RNASE13: variants seen among roughly 807,000 people sequenced by gnomAD.
The protein encoded by RNASE13 is ribonuclease A family member 13 (inactive), also known as probable inactive ribonuclease-like protein 13.
For synonymous variants in RNASE13, 67 were observed against 71.6 expected, an observed-to-expected ratio of 0.94 and a Z score of 0.32; for missense variants, 188 against 192.8, an observed-to-expected ratio of 0.98 and a Z score of 0.15.
chr14:21,033,823 T>TTCC lies in RNASE13; in HGVS notation c.463_465dup (p.Gly155dup). Reference sequence around the variant, plus strand: ...GTTGGGGAGTGGCTCAGGAATTAAATTCCCGAATAGAGACCAGCGATACCT... The same window carrying TTCC: ...GTTGGGGAGTGGCTCAGGAATTAAATTCCTCCCGAATAGAGACCAGCGATACCT... On this transcript the variant is annotated inframe_insertion, in exon 2 of 2. Coordinates refer to ENST00000382951, the MANE Select transcript of RNASE13 (RefSeq NM_001012264.4). 1 of 1,605,100 alleles carries TTCC rather than the reference T, an allele frequency of 6.2e-7. No homozygotes were observed. The highest frequency in any genetic ancestry group is 8.5e-7 in the Non-Finnish European group (1 of 1,171,864).
Position 21,033,645 on chromosome 14 carries a change from G to T in RNASE13, c.*173C>A. 1.6e-6 allele frequency: 1 copy of T among 620,228 alleles called. No homozygotes were observed. Among genetic ancestry groups the T allele is most frequent in the South Asian group, 1.9e-5 (1 of 52,936 alleles). 38.4% of individuals were successfully genotyped at this position (620,228 alleles called of 1,614,324 possible). On this transcript the variant is annotated 3_prime_UTR_variant, in exon 2 of 2. Coordinates refer to ENST00000382951, the MANE Select transcript of RNASE13 (RefSeq NM_001012264.4). The stretch of plus-strand genomic sequence containing the variant: ...CAAGCTGGAAAGAACCTAGAAGATA[G>T]CACCACTTTGCATGGTGATCAAAGC...
Position 21,034,205 on chromosome 14 carries a change from G to A in RNASE13, c.84C>T (p.Gly28=). Residue 28 remains glycine (G), a synonymous_variant, in exon 2 of 2, where the codon GGC becomes GGT. Coordinates refer to ENST00000382951, the MANE Select transcript of RNASE13 (RefSeq NM_001012264.4). The stretch of plus-strand genomic sequence containing the variant: ...TGCTTAAGGTATAGAAGTTCCTGCT[G>A]CCAATCTGCATCTTGATGTCCATGA... ...TLVMDIKMQI[G]SRNFYTLSID... The A allele has an allele frequency of 6.2e-7, 1 of 1,614,068 alleles. No individual in the cohort carries two copies.
In RNASE13 at chr14:21,034,146, A is replaced by G. The variant is rs763858233; in HGVS notation, c.143T>C (p.Phe48Ser). 10 of 1,614,096 alleles carry G rather than the reference A, an allele frequency of 6.2e-6. No homozygotes were observed. Among genetic ancestry groups the G allele is most frequent in the Middle Eastern group, 1.6e-4 (1 of 6,084 alleles). Residue 48 changes from phenylalanine (F) to serine (S), a missense_variant, in exon 2 of 2, where the codon TTC becomes TCC. By Grantham distance (155) the Phe-to-Ser change is radical (BLOSUM62 -2). Coordinates refer to ENST00000382951, the MANE Select transcript of RNASE13 (RefSeq NM_001012264.4). ...CATCAGACCATTACAATAGCCCCGG[A>G]AACCCTTTGGGTAGTTAACCCTGGG... Reference protein sequence around the residue: ...DYPRVNYPKGFRGYCNGLMSY... With the variant: ...DYPRVNYPKGSRGYCNGLMSY...
intron 1 of RNASE13, 126 bp from the exon 2 acceptor site, chr14:21,034,422 A>G (rs949925862): frequency 1.2e-5 from 8 of 680,966 alleles, no homozygotes; most frequent in Non-Finnish European, 1.7e-5. Context: ...CCAAGTTCTC[A>G]TGACCCAGAA....
At position 21,033,919 on chromosome 14, in the gene RNASE13, AGCAGCTAGTGGGTG is replaced by A. The variant is rs1175268651; in HGVS notation, c.356_369del (p.Pro119LeufsTer4). ...TGGTTGGTTAGGGTGCTATTGTAGT[AGCAGCTAGTGGGTG>A]GCTGTTGGTGGCTCAGGGAGCAGAC... is the stretch of plus-strand genomic sequence containing the variant. On this transcript the variant is annotated frameshift_variant, in exon 2 of 2. Transcript: ENST00000382951. LOFTEE classifies it low-confidence loss of function (END_TRUNC). 12 of 1,614,094 alleles carry A rather than the reference AGCAGCTAGTGGGTG, an allele frequency of 7.4e-6. No individual in the cohort carries two copies. In the Admixed American group the frequency reaches 1.2e-4, roughly 16 times the overall value.
In RNASE13 at chr14:21,033,040, C is replaced by G. The variant is rs190261954; in HGVS notation, c.*778G>C. On this transcript the variant is annotated 3_prime_UTR_variant, in exon 2 of 2. Transcript: ENST00000382951. ...TGGAGTCTGGGGGATTTGGGAGGAG[C>G]TTCTGGAAGAGAAGGGAAGCAGGAA... 2.2e-6 allele frequency: 1 copy of G among 451,134 alleles called. No individual in the cohort carries two copies. Among genetic ancestry groups the G allele is most frequent in the Admixed American group, 2.4e-5 (1 of 41,464 alleles). 27.9% of individuals were successfully genotyped at this position (451,134 alleles called of 1,614,324 possible).
In RNASE13 at chr14:21,033,616, T is replaced by G; in HGVS notation, c.*202A>C. The G allele has an allele frequency of 3.4e-6, 2 of 594,340 alleles. No homozygotes were observed. Among genetic ancestry groups the G allele is most frequent in the Non-Finnish European group, 3.0e-6 (1 of 332,168 alleles). The allele number at this position is 594,340 out of a possible 1,614,324, so 36.8% of individuals were successfully genotyped here. A position where few individuals can be genotyped will look rare whatever the true frequency, so the allele number is the denominator to read the frequency against. On this transcript the variant is annotated 3_prime_UTR_variant, in exon 2 of 2. Coordinates refer to ENST00000382951, the MANE Select transcript of RNASE13 (RefSeq NM_001012264.4). The stretch of plus-strand genomic sequence containing the variant: ...TGAGGAGGTGGGGGCGAAGAGGGGG[T>G]AAACAAGCTGGAAAGAACCTAGAAG...
In RNASE13 at chr14:21,034,612, C is replaced by G. The variant is rs190885389; in HGVS notation, c.-9+44G>C. On this transcript the variant is annotated intron_variant, in intron 1 of 1. Coordinates refer to ENST00000382951, the MANE Select transcript of RNASE13 (RefSeq NM_001012264.4). ...CAAGAGTCCTTGGGCCCCTGGCACT[C>G]CTGCTAGTAAAAAATGCAGAGAAGA... 1.7e-4 allele frequency: 49 copies of G among 281,756 alleles called. No homozygotes were observed. The East Asian group carries it at 1.8e-3, about 10-fold the overall frequency. 17.5% of individuals were successfully genotyped at this position (281,756 alleles called of 1,614,324 possible).
rs762579702 is a variant in RNASE13, at chr14:21,034,126, G to T, written c.163C>A (p.Leu55Met). ...ATCTTGCCTCGCATATAGGACATCA[G>T]ACCATTACAATAGCCCCGGAAACCC... is the stretch of plus-strand genomic sequence containing the variant. ...PKGFRGYCNG[L>M]MSYMRGKMQN... Residue 55 changes from leucine (L) to methionine (M), a missense_variant, in exon 2 of 2, where the codon CTG becomes ATG. Physicochemically the swap from Leu to Met is conservative, Grantham distance 15. Coordinates refer to ENST00000382951, the MANE Select transcript of RNASE13 (RefSeq NM_001012264.4). 1 of 1,614,232 alleles carries T rather than the reference G, an allele frequency of 6.2e-7. No homozygotes were observed. Among genetic ancestry groups the T allele is most frequent in the East Asian group, 2.2e-5 (1 of 44,896 alleles).
Position 21,032,846 on chromosome 14 carries a change from T to C in RNASE13, c.*972A>G, listed in dbSNP as rs1019424735. On this transcript the variant is annotated 3_prime_UTR_variant, in exon 2 of 2. Transcript: ENST00000382951. ...GTGTTATTAACTTTTTATTTTGAAT[T>C]GATTATGGGTTGACAGGAAGTTACA... 2 of 423,036 alleles carry C rather than the reference T, an allele frequency of 4.7e-6. No individual in the cohort carries two copies. Among genetic ancestry groups the C allele is most frequent in the African/African-American group, 2.1e-5 (1 of 47,978 alleles). 26.2% of individuals were successfully genotyped at this position (423,036 alleles called of 1,614,324 possible).
In RNASE13 at chr14:21,034,714, C is replaced by T. The variant is rs376499103; in HGVS notation, c.-67G>A. ...GGAGCTGAAGATAGCTGGGTAGGGA[C>T]GTGTATTCTTCTTGCCAAGGCCAAG... On this transcript the variant is annotated 5_prime_UTR_variant, in exon 1 of 2. Coordinates refer to ENST00000382951, the MANE Select transcript of RNASE13 (RefSeq NM_001012264.4). 3 of 171,848 alleles carry T rather than the reference C, an allele frequency of 1.7e-5. No individual in the cohort carries two copies. Among genetic ancestry groups the T allele is most frequent in the East Asian group, 1.6e-4 (1 of 6,224 alleles). The allele number at this position is 171,848 out of a possible 1,614,324, so 10.6% of individuals were successfully genotyped here. A position where few individuals can be genotyped will look rare whatever the true frequency, so the allele number is the denominator to read the frequency against.
rs749658923 is a variant in RNASE13, at chr14:21,033,615, G to A, written c.*203C>T. 3 of 598,712 alleles carry A rather than the reference G, an allele frequency of 5.0e-6. No individual in the cohort carries two copies. Among genetic ancestry groups the A allele is most frequent in the Non-Finnish European group, 9.0e-6 (3 of 334,444 alleles). 37.1% of individuals were successfully genotyped at this position (598,712 alleles called of 1,614,324 possible). On this transcript the variant is annotated 3_prime_UTR_variant, in exon 2 of 2. Transcript: ENST00000382951. ...ATGAGGAGGTGGGGGCGAAGAGGGG[G>A]TAAACAAGCTGGAAAGAACCTAGAA... is the stretch of plus-strand genomic sequence containing the variant.
At position 21,034,135 on chromosome 14, in the gene RNASE13, AATAGCCCCGG is replaced by A. The variant is rs753406274; in HGVS notation, c.144_153del (p.Arg49ValfsTer4). ...CGCATATAGGACATCAGACCATTAC[AATAGCCCCGG>A]AAACCCTTTGGGTAGTTAACCCTGG... is the stretch of plus-strand genomic sequence containing the variant. On this transcript the variant is annotated frameshift_variant, in exon 2 of 2. Coordinates refer to ENST00000382951, the MANE Select transcript of RNASE13 (RefSeq NM_001012264.4). LOFTEE classifies it low-confidence loss of function (END_TRUNC). 5 of 1,614,236 alleles carry A rather than the reference AATAGCCCCGG, an allele frequency of 3.1e-6. No individual in the cohort carries two copies. In the South Asian group the frequency reaches 3.3e-5, roughly 11 times the overall value.
rs201783228 is a variant in RNASE13, at chr14:21,034,099, G to A, written c.190C>T (p.Gln64Ter). The A allele has an allele frequency of 6.2e-7, 1 of 1,614,156 alleles. No individual in the cohort carries two copies. Among genetic ancestry groups the A allele is most frequent in the East Asian group, 2.2e-5 (1 of 44,886 alleles). ...TGGATCTTTGGGCAATCTGAATTTT[G>A]CATCTTGCCTCGCATATAGGACATC... ...GLMSYMRGKM[Q>*]NSDCPKIHYV... The change falls in exon 2 of 2, where the codon CAA becomes TAA. Residue 64 changes from glutamine (Q) to a stop codon, truncating the protein, a stop_gained. Transcript: ENST00000382951. LOFTEE classifies it low-confidence loss of function (END_TRUNC).
Position 21,033,730 on chromosome 14 carries a change from C to T in RNASE13, c.*88G>A, listed in dbSNP as rs755839061. ...AGGGGACCCTGCCTGCCTCGTAAGT[C>T]AGGAAGGAAGTCTTGTTACAGGGAT... is the stretch of plus-strand genomic sequence containing the variant. On this transcript the variant is annotated 3_prime_UTR_variant, in exon 2 of 2. Coordinates refer to ENST00000382951, the MANE Select transcript of RNASE13 (RefSeq NM_001012264.4). 1 of 961,324 alleles carries T rather than the reference C, an allele frequency of 1.0e-6. No homozygotes were observed. Among genetic ancestry groups the T allele is most frequent in the Admixed American group, 1.7e-5 (1 of 58,714 alleles). The allele number at this position is 961,324 out of a possible 1,614,324, so 59.5% of individuals were successfully genotyped here.
Position 21,034,227 on chromosome 14 carries a change from A to G in RNASE13, c.62T>C (p.Met21Thr), listed in dbSNP as rs926250843. ...GCTGCCAATCTGCATCTTGATGTCCATGACCAGAGTTGGCCCCAGAACAAG... is the reference window on the plus strand; with the variant it reads ...GCTGCCAATCTGCATCTTGATGTCCGTGACCAGAGTTGGCCCCAGAACAAG... Reference protein sequence around the residue: ...LQLVLGPTLVMDIKMQIGSRN... With the variant: ...LQLVLGPTLVTDIKMQIGSRN... Residue 21 changes from methionine (M) to threonine (T), a missense_variant, in exon 2 of 2, where the codon ATG becomes ACG. Coordinates refer to ENST00000382951, the MANE Select transcript of RNASE13 (RefSeq NM_001012264.4). 4 of 1,614,036 alleles carry G rather than the reference A, an allele frequency of 2.5e-6. No homozygotes were observed. Among genetic ancestry groups the G allele is most frequent in the Non-Finnish European group, 3.4e-6 (4 of 1,180,016 alleles).
In RNASE13 at chr14:21,033,560, G is replaced by C. The variant is rs1220241555; in HGVS notation, c.*258C>G. On this transcript the variant is annotated 3_prime_UTR_variant, in exon 2 of 2. Transcript: ENST00000382951. ...CTGGACACAGTCAACTTCTTGGGTG[G>C]GTTTTACTGTCTCTGGGAGAGGAAG... is the stretch of plus-strand genomic sequence containing the variant. 2 of 526,940 alleles carry C rather than the reference G, an allele frequency of 3.8e-6. No homozygotes were observed. The highest frequency in any genetic ancestry group is 6.9e-6 in the Non-Finnish European group (2 of 291,058). 32.6% of individuals were successfully genotyped at this position (526,940 alleles called of 1,614,324 possible). A position where few individuals can be genotyped will look rare whatever the true frequency, so the allele number is the denominator to read the frequency against.
At position 21,033,813 on chromosome 14, in the gene RNASE13, A is replaced by C. The variant is rs763519949; in HGVS notation, c.*5T>G. 6.4e-7 allele frequency: 1 copy of C among 1,573,170 alleles called. No homozygotes were observed. The highest frequency in any genetic ancestry group is 8.8e-7 in the Non-Finnish European group (1 of 1,142,700). Reference sequence around the variant, plus strand: ...GGTGGTAGAGGTTGGGGAGTGGCTCAGGAATTAAATTCCCGAATAGAGACC... The same window carrying C: ...GGTGGTAGAGGTTGGGGAGTGGCTCCGGAATTAAATTCCCGAATAGAGACC... On this transcript the variant is annotated 3_prime_UTR_variant, in exon 2 of 2. Transcript: ENST00000382951.
At position 21,033,496 on chromosome 14, in the gene RNASE13, A is replaced by T. The variant is rs1239740220; in HGVS notation, c.*322T>A. On this transcript the variant is annotated 3_prime_UTR_variant, in exon 2 of 2. Coordinates refer to ENST00000382951, the MANE Select transcript of RNASE13 (RefSeq NM_001012264.4). The stretch of plus-strand genomic sequence containing the variant: ...CTGAGGCCCTGGGCCTCCATCCAGG[A>T]CTTAGGATCTGGCCCAGTGGGTGGA... 2.6e-6 allele frequency: 1 copy of T among 386,478 alleles called. No homozygotes were observed. The highest frequency in any genetic ancestry group is 4.8e-6 in the Non-Finnish European group (1 of 206,838). 23.9% of individuals were successfully genotyped at this position (386,478 alleles called of 1,614,324 possible). A position where few individuals can be genotyped will look rare whatever the true frequency, so the allele number is the denominator to read the frequency against.
Sources: gnomAD v4.1 joint callset for allele counts on GRCh38, gnomAD v4.1.1 for gene constraint, MANE v1.5 for transcripts, NCBI Gene and HGNC (gene_info 2026-07-23, HGNC 2026-07-21) for gene names.